PRKN: variants seen among roughly 807,000 people sequenced by gnomAD.
PRKN encodes E3 ubiquitin-protein ligase parkin.
A neutral mutation model predicts 59.5 loss-of-function variants in PRKN; 56 were observed. The ratio of observed to expected loss-of-function variants is 0.94; its 90% confidence interval spans 0.76 to 1.18. The LOEUF is 1.18. Ranked by LOEUF, PRKN falls within the 50% of genes most tolerant of loss-of-function variation. The pLI, the probability that PRKN is intolerant of heterozygous loss-of-function variation, is 0.00. For synonymous variants in PRKN, 250 were observed against 222.1 expected, an observed-to-expected ratio of 1.13 and a Z score of -1.12; for missense variants, 657 against 596.4, an observed-to-expected ratio of 1.10 and a Z score of -1.06.
At chr6:162,600,652 C>A (rs1781670773) in intron 1 of PRKN, among the ~76,000 whole-genome samples, 3 of 152,202 alleles carry the variant, frequency 2.0e-5, no homozygotes, top group African/African-American at 7.2e-5. Context: ...GTGCATAGAT[C>A]ATGGGGGCAG....
chr6:162,560,711 T>C (rs1779797166), intron 1 of PRKN, among the ~76,000 whole-genome samples: 1 of 151,988 alleles, frequency 6.6e-6, no homozygotes, highest in South Asian at 2.1e-4. Context: ...TGTTAACAAA[T>C]TTGCAAAATG....
intron 1 of PRKN, among the ~76,000 whole-genome samples, chr6:162,712,783 C>T (rs1233575720): frequency 6.6e-6 from 1 of 152,176 alleles, no homozygotes; most frequent in African/African-American, 2.4e-5. Context: ...AAAGTTGAAC[C>T]TGTCTTCTGA....
chr6:161,517,767 A>AAAAAAG (rs1562499851), intron 9 of PRKN, among the ~76,000 whole-genome samples: 1 of 140,172 alleles, frequency 7.1e-6, no homozygotes, highest in African/African-American at 2.6e-5. Flanking sequence ...AAAAAAAAAG[A>AAAAAAG]GTTGAGGTGG....
At chr6:162,583,018 T>C (rs1240720459) in intron 1 of PRKN, among the ~76,000 whole-genome samples, 1 of 152,170 alleles carries the variant, frequency 6.6e-6, no homozygotes, top group African/African-American at 2.4e-5. Context: ...CCCAAGCGGA[T>C]GGGATTAATA....
intron 6 of PRKN, among the ~76,000 whole-genome samples, chr6:161,905,944 A>G (rs1206152420): frequency 6.7e-6 from 1 of 149,306 alleles, no homozygotes; most frequent in African/African-American, 2.6e-5. Flanking sequence ...AAAAAAAAAA[A>G]AAAAGGACAT....
chr6:162,677,021 A>G (rs1398208867), intron 1 of PRKN, among the ~76,000 whole-genome samples: 1 of 150,648 alleles, frequency 6.6e-6, no homozygotes, highest in Non-Finnish European at 1.5e-5. Context: ...AGACGGTGCA[A>G]CTGCACTCCA....
chr6:161,906,663 T>C (rs895673996), intron 6 of PRKN, among the ~76,000 whole-genome samples: 3 of 133,170 alleles, frequency 2.3e-5, no homozygotes, highest in Non-Finnish European at 3.3e-5. Context: ...AACATACATA[T>C]ATATATATAT....
At chr6:161,666,293 T>A (rs1273678799) in intron 7 of PRKN, among the ~76,000 whole-genome samples, 1 of 152,122 alleles carries the variant, frequency 6.6e-6, no homozygotes, top group African/African-American at 2.4e-5. Context: ...TCTTGTCAGA[T>A]CAGTGGTGGC....
intron 9 of PRKN, among the ~76,000 whole-genome samples, chr6:161,504,158 T>C (rs1778062129): frequency 6.6e-6 from 1 of 152,202 alleles, no homozygotes; most frequent in South Asian, 2.1e-4. Flanking sequence ...CTTAGAGGCT[T>C]GAAGAAAGAT....
intron 1 of PRKN, among the ~76,000 whole-genome samples, chr6:162,611,294 T>A (rs1050355632): frequency 2.6e-5 from 4 of 152,210 alleles, no homozygotes; most frequent in Non-Finnish European, 4.4e-5. Context: ...GCTTTTCAAA[T>A]ATTTGGATGA....
At chr6:162,594,629 T>C (rs950316286) in intron 1 of PRKN, among the ~76,000 whole-genome samples, 4 of 152,166 alleles carry the variant, frequency 2.6e-5, no homozygotes, top group African/African-American at 9.6e-5. Context: ...GCTAGACCAC[T>C]TAGAGGAATT....
rs779702084 is a variant in PRKN at position 161,357,917 on chromosome 6, G to A, written c.1285+2171C>T. ...TCCCATTGAAACCCATCTTATGAAC[G>A]AGCAAACTGGTGCTCACACAGCCAC... On this transcript the variant is annotated intron_variant, in intron 11 of 11. Coordinates refer to ENST00000366898, the MANE Select transcript of PRKN (RefSeq NM_004562.3). This position sits in a 1 kb window ranked among gnomAD's most constrained non-coding sequence, Gnocchi z 5.5. Among the ~76,000 whole-genome samples the A allele has an allele frequency of 2.6e-5, 4 of 152,156 alleles. No individual in the cohort carries two copies. The highest frequency in any genetic ancestry group is 5.9e-5 in the Non-Finnish European group (4 of 68,044).
At chr6:162,086,263 T>A (rs766147726) in intron 4 of PRKN, among the ~76,000 whole-genome samples, 20 of 152,196 alleles carry the variant, frequency 1.3e-4, no homozygotes, top group Non-Finnish European at 2.5e-4. Flanking sequence ...TGGGCATCTC[T>A]CAAAACTTAG....
rs1786175293 is a variant in PRKN, at chr6:161,385,058, TA to T, written c.1167+1735del. ...GATTCTCCTGCCTCAGCCTCCTGAA[TA>T]GCTGGGATTACAGGTGCACGCCACC... On this transcript the variant is annotated intron_variant, in intron 10 of 11. Transcript: ENST00000366898. The surrounding 1 kb of genome is among the most constrained non-coding windows in gnomAD (Gnocchi z 4.9). Among the ~76,000 whole-genome samples the T allele has an allele frequency of 1.3e-5, 2 of 152,164 alleles. No individual in the cohort carries two copies. Among genetic ancestry groups the T allele is most frequent in the African/African-American group, 4.8e-5 (2 of 41,424 alleles).
intron 4 of PRKN, 152 bp downstream of exon 4, chr6:162,200,979 G>A (rs1784704931): frequency 8.2e-6 from 7 of 857,732 alleles, no homozygotes; most frequent in Admixed American, 6.3e-5. Flanking sequence ...GCGCATAAAC[G>A]AAACTTCGGC....
chr6:162,387,227 A>G (rs1786875596), intron 2 of PRKN, among the ~76,000 whole-genome samples: 1 of 124,984 alleles, frequency 8.0e-6, no homozygotes, highest in Non-Finnish European at 1.6e-5. Context: ...CACTAAGAAA[A>G]AATAAGCAAA....
At chr6:161,789,373 G>A (rs1033440668) in intron 6 of PRKN, among the ~76,000 whole-genome samples, 10 of 151,954 alleles carry the variant, frequency 6.6e-5, no homozygotes, top group African/African-American at 1.9e-4. Flanking sequence ...CTCCCCTACC[G>A]TCCATCCTGT....
intron 7 of PRKN, among the ~76,000 whole-genome samples, chr6:161,609,109 GAATTATGGGACATAGGTCCCATATGTCC>G (rs1583287047): frequency 2.0e-5 from 3 of 152,178 alleles, no homozygotes; most frequent in Non-Finnish European, 1.5e-5. Flanking sequence ...CATAGTTTCT[GAATTATGGGACATAGGTCCCATATGTCC>G]AATTATGGGA....
At chr6:162,111,058 C>T (rs1406691776) in intron 4 of PRKN, among the ~76,000 whole-genome samples, 1 of 152,132 alleles carries the variant, frequency 6.6e-6, no homozygotes, top group Non-Finnish European at 1.5e-5. Flanking sequence ...AAACAGATGT[C>T]CACAGAAGAC....
Sources: allele counts gnomAD v4.1 joint callset (sites outside exome capture counted in the v4.1 genomes callset), GRCh38; gene constraint gnomAD v4.1.1; non-coding constraint Gnocchi (gnomAD v3.1); transcripts MANE v1.5; gene names NCBI Gene and HGNC (gene_info 2026-07-23, HGNC 2026-07-21).